Variants in CXCR5 observed in about 807,000 individuals in gnomAD.
CXCR5 encodes the protein C-X-C motif chemokine receptor 5.
A neutral mutation model predicts 5.6 loss-of-function variants in CXCR5; 3 were observed. The ratio of observed to expected loss-of-function variants is 0.54; its 90% CI spans 0.24 to 1.39. The LOEUF (loss-of-function observed/expected upper bound fraction) is 1.39. Ranked by LOEUF, CXCR5 falls within the 40% of genes most tolerant of loss-of-function variation. The pLI, the probability that CXCR5 is intolerant of heterozygous loss-of-function variation, is 0.16. For synonymous variants in CXCR5, 218 were observed against 219.9 expected, an observed-to-expected ratio of 0.99 and a Z score of 0.08; for missense variants, 333 against 494.6, an observed-to-expected ratio of 0.67 and a Z score of 3.10.
intron 1 of CXCR5, among the ~76,000 whole-genome samples, chr11:118,885,380 T>TG (rs34255309): frequency 6.6e-6 from 1 of 152,174 alleles, no homozygotes; most frequent in Admixed American, 6.5e-5. Flanking sequence ...CTAAACCTCG[T>TG]GGGGGGTCCT....
rs1431113506 is a variant in CXCR5 at position 118,896,628 on chromosome 11, CCA to C, written c.*1966_*1967del. The C allele has an allele frequency of 6.5e-6, 1 of 152,920 alleles. No homozygotes were observed. 9.5% of individuals were successfully genotyped at this position (152,920 alleles called of 1,614,324 possible). A position where few individuals can be genotyped will look rare whatever the true frequency, so the allele number is the denominator to read the frequency against. On this transcript the variant is annotated 3_prime_UTR_variant, in exon 2 of 2. Transcript: ENST00000292174. ...GTGAGTCAGGGGCCTGTTGTCAGCC[CCA>C]GAGGAAGCGCTGGACCTGGCCGATG...
chr11:118,894,476 G>T lies in CXCR5; in HGVS notation c.932G>T (p.Gly311Val), dbSNP rs778417636. The T allele has an allele frequency of 6.2e-7, 1 of 1,612,056 alleles. No individual in the cohort carries two copies. The highest frequency in any genetic ancestry group is 8.5e-7 in the Non-Finnish European group (1 of 1,178,628). The change falls in exon 2 of 2, where the codon GGC (glycine) becomes GTC (valine). Residue 311 changes from glycine (G) to valine (V), a missense_variant. Coordinates refer to ENST00000292174, the MANE Select transcript of CXCR5 (RefSeq NM_001716.5). The surrounding 1 kb of genome is among the most constrained non-coding windows in gnomAD (Gnocchi z 6.1). ...PVAITMCEFL[G>V]LAHCCLNPML... ...GCCATCACCATGTGTGAGTTCCTGG[G>T]CCTGGCCCACTGCTGCCTCAACCCC...
At chr11:118,884,518 GA>G (rs3837426) in intron 1 of CXCR5, among the ~76,000 whole-genome samples, 5 of 152,082 alleles carry the variant, frequency 3.3e-5, no homozygotes, top group Non-Finnish European at 7.4e-5. Flanking sequence ...TCTGGCCAGA[GA>G]AAAAAATCAC....
Position 118,886,345 on chromosome 11 carries a change from C to T in CXCR5, c.51+2353C>T, listed in dbSNP as rs867836693. On this transcript the variant is annotated intron_variant, in intron 1 of 1. Transcript: ENST00000292174. ...GGGCCTTTTGGTTACACAAACTTGC[C>T]AGAAAAAAAAAAAAAAAAGGAACTG... 5 of 353,790 alleles carry T rather than the reference C, an allele frequency of 1.4e-5. No homozygotes were observed. In the Middle Eastern group the frequency reaches 1.1e-3, roughly 79 times the overall value. 21.9% of individuals were successfully genotyped at this position (353,790 alleles called of 1,614,324 possible). A position where few individuals can be genotyped will look rare whatever the true frequency, so the allele number is the denominator to read the frequency against.
chr11:118,891,348 CT>C (rs1175187086), intron 1 of CXCR5, among the ~76,000 whole-genome samples: 1 of 150,624 alleles, frequency 6.6e-6, no homozygotes, highest in Admixed American at 6.6e-5. Flanking sequence ...CAATCATTTT[CT>C]TTTTTTTTGA....
chr11:118,888,413 C>G (rs1939754061), intron 1 of CXCR5, among the ~76,000 whole-genome samples: 1 of 152,140 alleles, frequency 6.6e-6, no homozygotes, highest in African/African-American at 2.4e-5. Flanking sequence ...GGACTCAAGT[C>G]TTCTCTGTCC....
Position 118,897,757 on chromosome 11 carries a change from C to CT in CXCR5, c.*3104dup, listed in dbSNP as rs35636302. ...GAAGGGGGGAAGGGTTTCTTTTATC[C>CT]TTTTTTTTTTGTGTGACTTCTATCA... On this transcript the variant is annotated 3_prime_UTR_variant, in exon 2 of 2. Transcript: ENST00000292174. 111,324 of 407,152 alleles carry CT rather than the reference C, an allele frequency of 0.27. 8,773 individuals are homozygous for CT. The highest frequency in any genetic ancestry group is 0.4 in the Admixed American group (14,967 of 37,212). 25.2% of individuals were successfully genotyped at this position (407,152 alleles called of 1,614,324 possible).
intron 1 of CXCR5, among the ~76,000 whole-genome samples, chr11:118,892,346 A>G (rs1471914935): frequency 6.6e-6 from 1 of 152,140 alleles, no homozygotes; most frequent in Non-Finnish European, 1.5e-5. Flanking sequence ...CAGTGTGACC[A>G]TCCCCTCCTT....
In CXCR5 at chr11:118,893,685, C is replaced by T; in HGVS notation, c.141C>T (p.Ala47=). ...CTGCCACAGAGGGGCCCCTCATGGC[C>T]TCCTTCAAGGCCGTGTTCGTGCCCG... ...LCPATEGPLM[A]SFKAVFVPVA... is the part of the protein sequence containing the mutation. Residue 47 remains alanine (A), a synonymous_variant, in exon 2 of 2, where the codon GCC becomes GCT. Transcript: ENST00000292174. The surrounding 1 kb of genome is among the most constrained non-coding windows in gnomAD (Gnocchi z 5.7). The T allele has an allele frequency of 6.2e-7, 1 of 1,614,088 alleles. No homozygotes were observed.
intron 1 of CXCR5, chr11:118,886,972 A>G (rs1195014881): frequency 1.3e-5 from 2 of 152,698 alleles, no homozygotes; most frequent in African/African-American, 4.8e-5. Flanking sequence ...TCTGGGCTTC[A>G]TCTAGGGGAA....
At position 118,893,902 on chromosome 11, in the gene CXCR5, T is replaced by C. The variant is rs1441228808; in HGVS notation, c.358T>C (p.Phe120Leu). 4.3e-6 allele frequency: 7 copies of C among 1,613,988 alleles called. No homozygotes were observed. The Admixed American group carries it at 6.7e-5, about 15-fold the overall frequency. The change falls in exon 2 of 2, where the codon TTC (phenylalanine) becomes CTC (leucine). Residue 120 changes from phenylalanine to leucine, a missense_variant. Physicochemically the swap from Phe to Leu is conservative, Grantham distance 22. Transcript: ENST00000292174. This position sits in a 1 kb window ranked among gnomAD's most constrained non-coding sequence, Gnocchi z 5.7. ...CTCTGTGGGCTGGGTCCTGGGGACCTTCCTCTGCAAAACTGTGATTGCCCT... is the reference window on the plus strand; with the variant it reads ...CTCTGTGGGCTGGGTCCTGGGGACCCTCCTCTGCAAAACTGTGATTGCCCT... ...EGSVGWVLGTFLCKTVIALHK... is the reference protein window; with the variant it reads ...EGSVGWVLGTLLCKTVIALHK...
Position 118,894,966 on chromosome 11 carries a change from A to C in CXCR5, c.*303A>C. On this transcript the variant is annotated 3_prime_UTR_variant, in exon 2 of 2. Transcript: ENST00000292174. This position sits in a 1 kb window ranked among gnomAD's most constrained non-coding sequence, Gnocchi z 6.1. ...AGAACCTCACGCACCTCCCATCCTA[A>C]TCATCCAATGCTCAAGAAACAACTT... is the stretch of plus-strand genomic sequence containing the variant. 6.0e-6 allele frequency: 2 copies of C among 334,126 alleles called. No individual in the cohort carries two copies. Among genetic ancestry groups the C allele is most frequent in the Non-Finnish European group, 5.7e-6 (1 of 175,322 alleles). 20.7% of individuals were successfully genotyped at this position (334,126 alleles called of 1,614,324 possible).
In CXCR5 at chr11:118,893,781, C is replaced by T. The variant is rs1411220875; in HGVS notation, c.237C>T (p.His79=). Residue 79 remains histidine (H), a synonymous_variant, in exon 2 of 2, where the codon CAC becomes CAT. Coordinates refer to ENST00000292174, the MANE Select transcript of CXCR5 (RefSeq NM_001716.5). This position sits in a 1 kb window ranked among gnomAD's most constrained non-coding sequence, Gnocchi z 5.7. Reference sequence around the variant, plus strand: ...TGGTGCTGGTGATCCTGGAGCGGCACCGGCAGACACGCAGTTCCACGGAGA... The same window carrying T: ...TGGTGCTGGTGATCCTGGAGCGGCATCGGCAGACACGCAGTTCCACGGAGA... ...NVLVLVILER[H]RQTRSSTETF... 1.2e-6 allele frequency: 2 copies of T among 1,614,140 alleles called. No homozygotes were observed. Among genetic ancestry groups the T allele is most frequent in the Admixed American group, 1.7e-5 (1 of 60,026 alleles).
chr11:118,885,556 T>C (rs866658513), intron 1 of CXCR5, among the ~76,000 whole-genome samples: 22 of 152,344 alleles, frequency 1.4e-4, no homozygotes, highest in Non-Finnish European at 2.2e-4. Flanking sequence ...TGGCCTCGCC[T>C]GATTAGGTTA....
chr11:118,890,543 G>A (rs1939793678), intron 1 of CXCR5, among the ~76,000 whole-genome samples: 1 of 152,060 alleles, frequency 6.6e-6, no homozygotes, highest in Non-Finnish European at 1.5e-5. Flanking sequence ...CTGCTAGACA[G>A]AAGGAAAAGG....
Position 118,894,570 on chromosome 11 carries a change from T to A in CXCR5, c.1026T>A (p.Cys342Ter), listed in dbSNP as rs2137661186. ...DLSRLLTKLG[C>*]TGPASLCQLF... ...CGCGGCTCCTGACGAAGCTGGGCTG[T>A]ACCGGCCCTGCCTCCCTGTGCCAGC... The change falls in exon 2 of 2, where the codon TGT becomes TGA. Residue 342 changes from cysteine (C) to a stop codon, truncating the protein, a stop_gained. Transcript: ENST00000292174. LOFTEE classifies it high-confidence loss of function. This position sits in a 1 kb window ranked among gnomAD's most constrained non-coding sequence, Gnocchi z 6.1. The A allele has an allele frequency of 6.5e-7, 1 of 1,545,924 alleles. No individual in the cohort carries two copies. The highest frequency in any genetic ancestry group is 1.2e-5 in the South Asian group (1 of 80,880).
intron 1 of CXCR5, among the ~76,000 whole-genome samples, chr11:118,891,105 G>A (rs186046678): frequency 3.9e-4 from 60 of 152,134 alleles, no homozygotes; most frequent in Non-Finnish European, 7.3e-4. Flanking sequence ...CGTGTGTTTG[G>A]GGGAGAAATT....
chr11:118,893,742 G>T lies in CXCR5; in HGVS notation c.198G>T (p.Val66=). The T allele has an allele frequency of 6.2e-7, 1 of 1,614,212 alleles. No individual in the cohort carries two copies. Among genetic ancestry groups the T allele is most frequent in the Non-Finnish European group, 8.5e-7 (1 of 1,180,042 alleles). Residue 66 remains valine, a synonymous_variant, in exon 2 of 2, where the codon GTG becomes GTT. Coordinates refer to ENST00000292174, the MANE Select transcript of CXCR5 (RefSeq NM_001716.5). This position sits in a 1 kb window ranked among gnomAD's most constrained non-coding sequence, Gnocchi z 5.7. ...ACAGCCTCATCTTCCTCCTGGGCGT[G>T]ATCGGCAACGTCCTGGTGCTGGTGA... ...VAYSLIFLLG[V]IGNVLVLVIL...
At chr11:118,889,560 C>G (rs560099646) in intron 1 of CXCR5, among the ~76,000 whole-genome samples, 10 of 152,340 alleles carry the variant, frequency 6.6e-5, no homozygotes, top group Non-Finnish European at 1.3e-4. Flanking sequence ...TTTATTGCCT[C>G]TCTCCATAGT....
Sources: gnomAD v4.1 joint callset for allele counts (sites outside exome capture counted in the v4.1 genomes callset) on GRCh38, gnomAD v4.1.1 for gene constraint, Gnocchi (gnomAD v3.1) non-coding constraint, MANE v1.5 for transcripts, NCBI Gene and HGNC (gene_info 2026-07-23, HGNC 2026-07-21) for gene names.